Variants in TMEM63B observed in about 807,000 individuals in gnomAD.
TMEM63B encodes the protein transmembrane protein 63B, also known as mechanosensitive cation channel TMEM63B.
A neutral mutation model predicts 102.6 loss-of-function variants in TMEM63B; 23 were observed. The observed-to-expected ratio is 0.22, with a 90% confidence interval of 0.16 to 0.32. The LOEUF is 0.32. Among genes scored for constraint, TMEM63B ranks in the 10% least tolerant of loss-of-function variants. TMEM63B has a pLI of 1.00. For synonymous variants in TMEM63B, 444 were observed against 437.0 expected (o/e 1.02, Z -0.20); for missense variants, 628 against 1,095.9 (o/e 0.57, Z 6.03).
chr6:44,149,129 A>G (rs989243193), intron 15 of TMEM63B, 184 bp downstream of exon 15: 3 of 810,280 alleles, frequency 3.7e-6, no homozygotes, highest in African/African-American at 3.4e-5. Context: ...CCCCTGAGAG[A>G]GGCCACCCTC....
At position 44,154,448 on chromosome 6, in the gene TMEM63B, G is replaced by C; in HGVS notation, c.2307+3G>C. On this transcript the variant is annotated splice_donor_region_variant and intron_variant, in intron 23 of 23. Coordinates refer to ENST00000323267, the MANE Select transcript of TMEM63B (RefSeq NM_018426.3). Reference sequence around the variant, plus strand: ...CTGCTGCTGTCCCCAAATCTGCGGTGAGTGCCCTCAAGGGTTGGGAGGGGC... The same window carrying C: ...CTGCTGCTGTCCCCAAATCTGCGGTCAGTGCCCTCAAGGGTTGGGAGGGGC... The C allele has an allele frequency of 6.2e-7, 1 of 1,613,946 alleles. No individual in the cohort carries two copies. The highest frequency in any genetic ancestry group is 1.3e-5 in the African/African-American group (1 of 75,024).
Position 44,139,539 on chromosome 6 carries a change from G to A in TMEM63B, c.480G>A (p.Gly160=). ...TGTCCTTTCAGCGGCACATCATCGGGCTGCTGGTGGTTGTGGGCGTCCTCT... is the reference window on the plus strand; with the variant it reads ...TGTCCTTTCAGCGGCACATCATCGGACTGCTGGTGGTTGTGGGCGTCCTCT... The part of the protein sequence containing the change: ...HYLSFQRHII[G]LLVVVGVLSV... Residue 160 remains glycine (G), a synonymous_variant, in exon 7 of 24, where the codon GGG becomes GGA. Transcript: ENST00000323267. 4 of 1,614,236 alleles carry A rather than the reference G, an allele frequency of 2.5e-6. No individual in the cohort carries two copies. Among genetic ancestry groups the A allele is most frequent in the Non-Finnish European group, 3.4e-6 (4 of 1,180,050 alleles).
intron 4 of TMEM63B, 37 bp downstream of exon 4, chr6:44,135,403 C>T (rs757434169): frequency 1.3e-6 from 2 of 1,589,070 alleles, no homozygotes; most frequent in Non-Finnish European, 1.7e-6. Flanking sequence ...CCCACTAAAC[C>T]AGCTTTCCCT....
At chr6:44,144,667 G>A (rs10428726) in intron 10 of TMEM63B, among the ~76,000 whole-genome samples, 49,147 of 151,482 alleles carry the variant, frequency 0.32, 8,281 homozygotes, top group Middle Eastern at 0.38. Flanking sequence ...CGTGGTCATA[G>A]CTCACTGCAG....
intron 6 of TMEM63B, chr6:44,138,726 C>G (rs1304889076): frequency 2.4e-6 from 1 of 419,784 alleles, no homozygotes; most frequent in East Asian, 4.0e-5. Flanking sequence ...TCCTCTGTGA[C>G]CCCCTGCCGG....
chr6:44,154,196 G>A lies in TMEM63B; in HGVS notation c.2226+8G>A, dbSNP rs943912072. On this transcript the variant is annotated splice_region_variant and intron_variant, in intron 22 of 23. Coordinates refer to ENST00000323267, the MANE Select transcript of TMEM63B (RefSeq NM_018426.3). ...AGTGCCCACAACTACAAGGTGTGGG[G>A]CAAGGGTGGCAGGCGGATGGCTGCG... 3 of 1,612,472 alleles carry A rather than the reference G, an allele frequency of 1.9e-6. No homozygotes were observed. The African/African-American group carries it at 4.0e-5, about 22-fold the overall frequency.
chr6:44,146,449 G>GTTTTTTGT (rs1765387570), intron 10 of TMEM63B, among the ~76,000 whole-genome samples: 1 of 150,104 alleles, frequency 6.7e-6, no homozygotes, highest in Admixed American at 6.6e-5. Flanking sequence ...GGAGATGTGG[G>GTTTTTTGT]TTTTTTTGTC....
chr6:44,127,219 AC>A (rs987722285), upstream of TMEM63B: 4 of 65,192 alleles, frequency 6.1e-5, no homozygotes, highest in African/African-American at 1.6e-4. Flanking sequence ...CCTCCCACTG[AC>A]GCTCTGCCTC....
At chr6:44,136,985 C>T (rs991562234) in intron 5 of TMEM63B, among the ~76,000 whole-genome samples, 7 of 152,240 alleles carry the variant, frequency 4.6e-5, no homozygotes, top group Non-Finnish European at 1.0e-4. Context: ...GCGGAGCTTG[C>T]AGTGAGCTGA....
At chr6:44,138,134 T>C (rs185657011) in intron 5 of TMEM63B, among the ~76,000 whole-genome samples, 10 of 152,314 alleles carry the variant, frequency 6.6e-5, no homozygotes, top group African/African-American at 1.9e-4. Flanking sequence ...TGCAAACTTA[T>C]TAGCCGGAGG....
intron 4 of TMEM63B, among the ~76,000 whole-genome samples, chr6:44,135,594 G>T (rs1427730378): frequency 6.6e-6 from 1 of 152,222 alleles, no homozygotes; most frequent in Non-Finnish European, 1.5e-5. Context: ...CTGCCTGGGA[G>T]AAGTCCCTCC....
chr6:44,146,962 G>A, intron 11 of TMEM63B, 35 bp downstream of exon 11: 1 of 1,605,006 alleles, frequency 6.2e-7, no homozygotes, highest in Non-Finnish European at 8.5e-7. Flanking sequence ...GTGACACCAA[G>A]GGCCCCCTGC....
At chr6:44,154,566 G>A in intron 23 of TMEM63B, 121 bp downstream of exon 23, 2 of 1,477,352 alleles carry the variant, frequency 1.4e-6, no homozygotes, top group Non-Finnish European at 1.9e-6. Flanking sequence ...AAGAGAGCTG[G>A]TCTCCCTGGA....
At chr6:44,131,810 A>G (rs913991420) in intron 1 of TMEM63B, among the ~76,000 whole-genome samples, 1 of 152,044 alleles carries the variant, frequency 6.6e-6, no homozygotes, top group African/African-American at 2.4e-5. Context: ...GTAAAATTAA[A>G]AAGTTAGCTA....
At chr6:44,141,658 G>A (rs1431319112) in intron 10 of TMEM63B, among the ~76,000 whole-genome samples, 1 of 152,194 alleles carries the variant, frequency 6.6e-6, no homozygotes, top group Non-Finnish European at 1.5e-5. Context: ...ATGCACCTTG[G>A]GGCGCAGCTC....
intron 23 of TMEM63B, 105 bp downstream of exon 23, chr6:44,154,550 G>A: frequency 6.6e-7 from 1 of 1,513,728 alleles, no homozygotes; most frequent in Non-Finnish European, 9.1e-7. Context: ...ACCCCATGGG[G>A]GCGGGAAGAG....
Position 44,154,754 on chromosome 6 carries a change from G to A in TMEM63B, c.2370G>A (p.Gly790=). Reference sequence around the variant, plus strand: ...ACGGGGATGGGGATGGGGCTCCTGGGAGCTCAGGGGATGAGCCCCCATCAT... The same window carrying A: ...ACGGGGATGGGGATGGGGCTCCTGGAAGCTCAGGGGATGAGCCCCCATCAT... The part of the protein sequence containing the change: ...EVDGDGDGAP[G]SSGDEPPSSS... The change falls in exon 24 of 24, where the codon GGG becomes GGA. Residue 790 remains glycine, a synonymous_variant. Coordinates refer to ENST00000323267, the MANE Select transcript of TMEM63B (RefSeq NM_018426.3). The A allele has an allele frequency of 1.2e-6, 2 of 1,603,070 alleles. No homozygotes were observed. Among genetic ancestry groups the A allele is most frequent in the Non-Finnish European group, 1.7e-6 (2 of 1,175,912 alleles).
intron 15 of TMEM63B, chr6:44,149,331 C>T (rs981496732): frequency 2.8e-6 from 1 of 353,556 alleles, no homozygotes; most frequent in Non-Finnish European, 5.4e-6. Context: ...AGCAGGGCTG[C>T]TCCGATGACA....
rs1221062363 is a variant in TMEM63B at position 44,154,777 on chromosome 6, C to T, written c.2393C>T (p.Ser798Leu). Residue 798 changes from serine to leucine, a missense_variant, in exon 24 of 24, where the codon TCA (serine) becomes TTA (leucine). Transcript: ENST00000323267. ...GGGAGCTCAGGGGATGAGCCCCCATCATCCTCATCCCAAGATGAGGAGTTG... is the reference window on the plus strand; with the variant it reads ...GGGAGCTCAGGGGATGAGCCCCCATTATCCTCATCCCAAGATGAGGAGTTG... ...APGSSGDEPP[S>L]SSSQDEELLM... is the part of the protein sequence containing the mutation. 6.2e-7 allele frequency: 1 copy of T among 1,609,574 alleles called. No homozygotes were observed. Among genetic ancestry groups the T allele is most frequent in the East Asian group, 2.2e-5 (1 of 44,854 alleles).
Sources: allele counts gnomAD v4.1 joint callset (sites outside exome capture counted in the v4.1 genomes callset), GRCh38; gene constraint gnomAD v4.1.1; transcripts MANE v1.5; gene names NCBI Gene and HGNC (gene_info 2026-07-23, HGNC 2026-07-21).